The following LRBA variants were observed in gnomAD, a reference collection of about 807,000 sequenced individuals.
LRBA encodes the protein lipopolysaccharide-responsive and beige-like anchor protein.
A neutral mutation model predicts 330.0 loss-of-function variants in LRBA; 176 were observed. The ratio of observed to expected loss-of-function variants is 0.53; its 90% CI spans 0.47 to 0.60. LRBA has a LOEUF of 0.60. LRBA is among the 20% of genes least tolerant of loss of function. The probability of loss-of-function intolerance (pLI) is 0.00; values close to 1 mark genes in which losing one functional copy is unlikely to be tolerated. For synonymous variants in LRBA, 1,230 were observed against 1,193.0 expected, an observed-to-expected ratio of 1.03 and a Z score of -0.64; for missense variants, 3,259 against 3,444.8, an observed-to-expected ratio of 0.95 and a Z score of 1.35.
chr4:150,572,370 A>G (rs1769984622), intron 40 of LRBA, among the ~76,000 whole-genome samples: 2 of 152,142 alleles, frequency 1.3e-5, no homozygotes, highest in Admixed American at 1.3e-4. Flanking sequence ...GGATTCTGAG[A>G]GGCAATTTCT....
At chr4:150,661,197 A>G (rs1388280916) in intron 37 of LRBA, among the ~76,000 whole-genome samples, 22 of 151,976 alleles carry the variant, frequency 1.4e-4, no homozygotes, top group Admixed American at 6.5e-4. Flanking sequence ...GAGGCCAGGC[A>G]TGGTGGCTCA....
chr4:150,328,349 G>C (rs1733557260), intron 48 of LRBA, among the ~76,000 whole-genome samples: 1 of 152,090 alleles, frequency 6.6e-6, no homozygotes, highest in East Asian at 1.9e-4. Context: ...TGAGAGAAGA[G>C]AGGTATTGAT....
At chr4:150,609,930 T>C (rs1046401480) in intron 37 of LRBA, among the ~76,000 whole-genome samples, 3 of 152,100 alleles carry the variant, frequency 2.0e-5, no homozygotes, top group Non-Finnish European at 4.4e-5. Flanking sequence ...CATGATGAAC[T>C]TGGAAGTAAC....
At chr4:150,416,821 A>T (rs1176253811) in intron 46 of LRBA, among the ~76,000 whole-genome samples, 4 of 152,114 alleles carry the variant, frequency 2.6e-5, no homozygotes, top group African/African-American at 4.8e-5. Context: ...GCTAACACTT[A>T]TTGCATGGTA....
At position 150,350,034 on chromosome 4, in the gene LRBA, T is replaced by C. The variant is rs1348095460; in HGVS notation, c.7320A>G (p.Gly2440=). ...CAGTTATTGAATTCAGATTGACAGC[T>C]CCTTCATAGGTCAAGTAATAGAACA... The part of the protein sequence containing the change: ...LNVFYYLTYE[G]AVNLNSITDP... Residue 2440 remains glycine (G), a synonymous_variant, in exon 48 of 57, where the codon GGA becomes GGG. Coordinates refer to ENST00000651943, the MANE Select transcript of LRBA (RefSeq NM_001364905.1). 1 of 1,613,860 alleles carries C rather than the reference T, an allele frequency of 6.2e-7. No individual in the cohort carries two copies. Among genetic ancestry groups the C allele is most frequent in the Non-Finnish European group, 8.5e-7 (1 of 1,179,842 alleles).
chr4:150,978,547 AC>A lies in LRBA; in HGVS notation c.216+35879del, dbSNP rs565361200. Among the ~76,000 whole-genome samples the A allele has an allele frequency of 5.6e-4, 85 of 152,308 alleles. No individual in the cohort carries two copies. In the South Asian group the frequency reaches 0.017, roughly 30 times the overall value. On this transcript the variant is annotated intron_variant, in intron 2 of 56. Transcript: ENST00000651943. ...CAAAAAACTACATAAAGAACCAGAG[AC>A]CAATCCTGGAGAAACAGAGATATGT...
intron 46 of LRBA, chr4:150,423,476 A>C: frequency 1.8e-6 from 1 of 558,434 alleles, no homozygotes; most frequent in East Asian, 3.7e-5. Flanking sequence ...CATCTGGATC[A>C]AATCTAAGGA....
intron 40 of LRBA, among the ~76,000 whole-genome samples, chr4:150,526,410 T>C (rs192192945): frequency 1.3e-4 from 20 of 152,330 alleles, no homozygotes; most frequent in African/African-American, 4.6e-4. Flanking sequence ...ACCTCCTCTA[T>C]AATATGCTCA....
intron 29 of LRBA, among the ~76,000 whole-genome samples, chr4:150,829,727 A>T (rs1388898765): frequency 6.6e-6 from 1 of 152,140 alleles, no homozygotes; most frequent in African/African-American, 2.4e-5. Flanking sequence ...CCTTCGTGGT[A>T]TCATTCATTC....
intron 42 of LRBA, among the ~76,000 whole-genome samples, chr4:150,476,148 C>T (rs780737342): frequency 3.9e-5 from 6 of 152,016 alleles, no homozygotes; most frequent in Non-Finnish European, 8.8e-5. Flanking sequence ...ACTTGCTTTG[C>T]ATTTAGTTTG....
intron 50 of LRBA, among the ~76,000 whole-genome samples, chr4:150,317,686 T>C (rs767923481): frequency 5.9e-5 from 9 of 152,172 alleles, no homozygotes; most frequent in Non-Finnish European, 1.2e-4. Flanking sequence ...TCTACTTCTC[T>C]GATAATCTGA....
chr4:150,718,084 A>G (rs1582136144), intron 36 of LRBA, among the ~76,000 whole-genome samples: 1 of 152,132 alleles, frequency 6.6e-6, no homozygotes, highest in Non-Finnish European at 1.5e-5. Flanking sequence ...GCATGACATA[A>G]TTTTTTTCAT....
chr4:150,599,230 T>C (rs1053704930), intron 37 of LRBA, 99 bp from the exon 38 acceptor site: 86 of 1,326,076 alleles, frequency 6.5e-5, no homozygotes, highest in Non-Finnish European at 8.7e-5. Context: ...TCTGCCTTTT[T>C]TTCCCTCTCC....
At chr4:150,374,176 C>A (rs1581144028) in intron 47 of LRBA, among the ~76,000 whole-genome samples, 1 of 152,102 alleles carries the variant, frequency 6.6e-6, no homozygotes, top group African/African-American at 2.4e-5. Context: ...AACGTTTCTC[C>A]CTCTATGAGA....
intron 44 of LRBA, among the ~76,000 whole-genome samples, chr4:150,441,345 A>G (rs1751815319): frequency 1.3e-5 from 2 of 152,222 alleles, no homozygotes; most frequent in African/African-American, 4.8e-5. Flanking sequence ...CTTTAAGAAC[A>G]TAATCAAAAC....
intron 47 of LRBA, among the ~76,000 whole-genome samples, chr4:150,393,961 CT>C (rs529250372): frequency 1.4e-3 from 211 of 152,276 alleles, no homozygotes; most frequent in African/African-American, 4.8e-3. Context: ...TAATAAGTAA[CT>C]TCAGATGCCC....
chr4:150,858,507 G>T (rs1246852835), intron 22 of LRBA, among the ~76,000 whole-genome samples: 3 of 152,044 alleles, frequency 2.0e-5, no homozygotes, highest in Non-Finnish European at 2.9e-5. Flanking sequence ...GATAATCCAT[G>T]AAATGCGGAC....
chr4:150,597,730 G>GA (rs748663001), intron 38 of LRBA, among the ~76,000 whole-genome samples: 11 of 149,314 alleles, frequency 7.4e-5, no homozygotes, highest in South Asian at 2.1e-4. Context: ...CACAAAAAAA[G>GA]AAAAAAAAAC....
chr4:150,441,622 T>G (rs1751851459), intron 44 of LRBA, among the ~76,000 whole-genome samples: 3 of 152,090 alleles, frequency 2.0e-5, no homozygotes, highest in African/African-American at 7.2e-5. Flanking sequence ...TTACATTTTG[T>G]AATTTATTAA....
Sources: gnomAD v4.1 joint callset for allele counts (sites outside exome capture counted in the v4.1 genomes callset) on GRCh38, gnomAD v4.1.1 for gene constraint, MANE v1.5 for transcripts, NCBI Gene and HGNC (gene_info 2026-07-23, HGNC 2026-07-21) for gene names.